The following MROH7 variants were observed in gnomAD, a reference collection of about 807,000 sequenced individuals.
MROH7 encodes maestro heat like repeat family member 7, also known as maestro heat-like repeat-containing protein family member 7.
MROH7 carries 113 observed loss-of-function variants against 129.2 expected under a neutral mutation model. That is an observed-to-expected ratio of 0.87 (90% CI 0.75 to 1.02). MROH7 has a LOEUF of 1.02. Ranked by LOEUF, MROH7 falls within the 50% of genes least tolerant of loss-of-function variation. MROH7 has a pLI of 0.00. For synonymous variants in MROH7, 655 were observed against 667.9 expected, an observed-to-expected ratio of 0.98 and a Z score of 0.30; for missense variants, 1,601 against 1,671.3, an observed-to-expected ratio of 0.96 and a Z score of 0.73.
intron 18 of MROH7, 132 bp downstream of exon 18, chr1:54,700,593 C>A (rs1324992882): frequency 2.4e-6 from 2 of 830,736 alleles, no homozygotes; most frequent in Non-Finnish European, 3.6e-6. Context: ...CCTCAGTTGT[C>A]CCATCTGTAA....
chr1:54,681,717 C>T (rs1164321871), intron 13 of MROH7, among the ~76,000 whole-genome samples: 1 of 152,150 alleles, frequency 6.6e-6, no homozygotes, highest in African/African-American at 2.4e-5. Context: ...TTTTCCTTGC[C>T]TGGTGTACTG....
Position 54,710,215 on chromosome 1 carries a change from G to T in MROH7, c.*28G>T, listed in dbSNP as rs376201307. On this transcript the variant is annotated 3_prime_UTR_variant, in exon 24 of 24. Transcript: ENST00000421030. ...TCCCTGAGCCCCAAACCCTCCTCAG[G>T]GTGGTTGAGTTCCAGCCATGCTCCC... The T allele has an allele frequency of 3.1e-6, 5 of 1,602,096 alleles. No individual in the cohort carries two copies. The Middle Eastern group carries it at 5.1e-4, about 163-fold the overall frequency.
rs532366772 is a variant in MROH7, at chr1:54,647,759, G to T, written c.-109-4190G>T. 1.7e-3 allele frequency among the ~76,000 whole-genome samples: 246 copies of T among 146,834 alleles called. 1 individual carries two copies. The highest frequency in any genetic ancestry group is 2.9e-3 in the Non-Finnish European group (196 of 66,552). On this transcript the variant is annotated intron_variant, in intron 1 of 23. Coordinates refer to ENST00000421030, the MANE Select transcript of MROH7 (RefSeq NM_001039464.4). The stretch of plus-strand genomic sequence containing the variant: ...CTGTATTGAAAAAAAAAAAAAATTA[G>T]CTGGGTTTGGTGGTGGGCACCTGTA...
chr1:54,665,469 G>A, intron 4 of MROH7: 1 of 450,626 alleles, frequency 2.2e-6, no homozygotes, highest in Non-Finnish European at 4.0e-6. Context: ...ATTTTTGTCT[G>A]TTATTCACAG....
In MROH7 at chr1:54,692,557, G is replaced by T. The variant is rs577466388; in HGVS notation, c.2845G>T (p.Ala949Ser). ...CCACCACCGCGGAGTGGCCTTGCTG[G>T]CAAGGTGAGTCCCGGGACCACCTTG... is the stretch of plus-strand genomic sequence containing the variant. Reference protein sequence around the residue: ...ESHHRGVALLARAMVQYSCQE... With the variant: ...ESHHRGVALLSRAMVQYSCQE... Residue 949 changes from alanine to serine, a missense_variant, in exon 16 of 24, where the codon GCA becomes TCA. Coordinates refer to ENST00000421030, the MANE Select transcript of MROH7 (RefSeq NM_001039464.4). The T allele has an allele frequency of 6.2e-7, 1 of 1,610,568 alleles. No homozygotes were observed. The highest frequency in any genetic ancestry group is 8.5e-7 in the Non-Finnish European group (1 of 1,179,026).
At chr1:54,651,595 C>G (rs1170046007) in intron 1 of MROH7, 1 of 152,262 alleles carries the variant, frequency 6.6e-6, no homozygotes, top group East Asian at 1.9e-4. Context: ...GAAAAGGGGA[C>G]TGGGGCCAGA....
chr1:54,653,626 C>T lies in MROH7; in HGVS notation c.700C>T (p.Pro234Ser). 6.2e-7 allele frequency: 1 copy of T among 1,614,150 alleles called. No homozygotes were observed. The highest frequency in any genetic ancestry group is 8.5e-7 in the Non-Finnish European group (1 of 1,180,020). ...CTCCAAGCTGAACCTGAATGTAGCT[C>T]CAGATTCTCATGGGACCCTAATCCC... The part of the protein sequence containing the change: ...NTSKLNLNVA[P>S]DSHGTLIPDT... The change falls in exon 3 of 24, where the codon CCA becomes TCA. Residue 234 changes from proline (P) to serine (S), a missense_variant. Physicochemically the swap from Pro to Ser is moderately conservative, Grantham distance 74. Coordinates refer to ENST00000421030, the MANE Select transcript of MROH7 (RefSeq NM_001039464.4).
At chr1:54,643,186 C>A (rs968680209) in intron 1 of MROH7, among the ~76,000 whole-genome samples, 1 of 152,198 alleles carries the variant, frequency 6.6e-6, no homozygotes, top group Non-Finnish European at 1.5e-5. Flanking sequence ...GAGGGTGCCT[C>A]ACCCACATTT....
chr1:54,689,781 A>G (rs995256102), intron 15 of MROH7, among the ~76,000 whole-genome samples: 11 of 152,218 alleles, frequency 7.2e-5, no homozygotes, highest in African/African-American at 2.7e-4. Context: ...AGGCTGAGGC[A>G]GGAGAATCGC....
chr1:54,707,540 A>G (rs910657537), intron 22 of MROH7, among the ~76,000 whole-genome samples: 3 of 152,232 alleles, frequency 2.0e-5, no homozygotes, highest in South Asian at 2.1e-4. Flanking sequence ...ATGCTGGTGC[A>G]GAAGAAAAAT....
intron 14 of MROH7, among the ~76,000 whole-genome samples, chr1:54,683,289 G>A (rs897597251): frequency 1.3e-5 from 2 of 152,156 alleles, no homozygotes; most frequent in Admixed American, 1.3e-4. Flanking sequence ...TATGGCGGCT[G>A]TGAAGATTAT....
rs1224382573 is a variant in MROH7, at chr1:54,656,506, T to A, written c.1231+2349T>A. ...GCCAGGGAGACAGAGCAAGACTCCA[T>A]CTCAAAAAAAAAAAAAAAAAAAGCT... On this transcript the variant is annotated intron_variant, in intron 3 of 23. Coordinates refer to ENST00000421030, the MANE Select transcript of MROH7 (RefSeq NM_001039464.4). Among the ~76,000 whole-genome samples the A allele has an allele frequency of 1.7e-4, 7 of 41,544 alleles. No homozygotes were observed. The Admixed American group carries it at 2.7e-3, about 16-fold the overall frequency. 27.3% of individuals were successfully genotyped at this position (41,544 alleles called of 152,430 possible).
intron 16 of MROH7, among the ~76,000 whole-genome samples, chr1:54,692,805 C>T (rs1243963628): frequency 6.6e-6 from 1 of 152,212 alleles, no homozygotes; most frequent in African/African-American, 2.4e-5. Context: ...CACAAAGCAC[C>T]ATTCCTTAGT....
chr1:54,697,491 C>T (rs902830106), intron 17 of MROH7: 30 of 520,148 alleles, frequency 5.8e-5, no homozygotes, highest in Non-Finnish European at 8.7e-5. Context: ...GCCTTGGGGT[C>T]GGGAGTCCTG....
intron 17 of MROH7, chr1:54,697,486 G>A (rs1480252626): frequency 1.9e-6 from 1 of 519,442 alleles, no homozygotes; most frequent in African/African-American, 1.9e-5. Context: ...ACCTGGCCTT[G>A]GGGTCGGGAG....
Position 54,652,896 on chromosome 1 carries a change from G to A in MROH7, c.-31G>A. 1 of 1,531,586 alleles carries A rather than the reference G, an allele frequency of 6.5e-7. No individual in the cohort carries two copies. The highest frequency in any genetic ancestry group is 8.8e-7 in the Non-Finnish European group (1 of 1,142,508). 94.9% of individuals were successfully genotyped at this position (1,531,586 alleles called of 1,614,324 possible). A position where few individuals can be genotyped will look rare whatever the true frequency, so the allele number is the denominator to read the frequency against. ...ACAGTTGGCTGTTGGAGAGAAGCGG[G>A]CACTGGCATTGAGAGACCTCCAGAC... On this transcript the variant is annotated 5_prime_UTR_variant, in exon 3 of 24. Transcript: ENST00000421030.
chr1:54,659,547 G>C (rs900441617), intron 3 of MROH7, among the ~76,000 whole-genome samples: 10 of 151,512 alleles, frequency 6.6e-5, no homozygotes, highest in African/African-American at 1.5e-4. Context: ...CTCTGCCTCC[G>C]GGTTCAAGCA....
intron 17 of MROH7, among the ~76,000 whole-genome samples, chr1:54,696,254 CAAAT>C (rs753824078): frequency 1.3e-5 from 2 of 152,110 alleles, no homozygotes; most frequent in Admixed American, 6.5e-5. Context: ...ATCCAGGATT[CAAAT>C]AAAGACATCT....
chr1:54,701,190 G>A lies in MROH7; in HGVS notation c.3153G>A (p.Lys1051=). ...TGCCCTCCATGGTGAAGGGCCTGAA[G>A]AACATGGATGGGATGCTGGTGGTGG... ...ALLPSMVKGL[K]NMDGMLVVEA... is the part of the protein sequence containing the mutation. Residue 1051 remains lysine (K), a synonymous_variant, in exon 19 of 24, where the codon AAG becomes AAA. Transcript: ENST00000421030. The A allele has an allele frequency of 3.7e-6, 6 of 1,614,190 alleles. No individual in the cohort carries two copies. The highest frequency in any genetic ancestry group is 5.1e-6 in the Non-Finnish European group (6 of 1,180,038).
Sources: allele counts gnomAD v4.1 joint callset (sites outside exome capture counted in the v4.1 genomes callset), GRCh38; gene constraint gnomAD v4.1.1; transcripts MANE v1.5; gene names NCBI Gene and HGNC (gene_info 2026-07-23, HGNC 2026-07-21).